Variants in ATG7 observed in about 807,000 individuals in gnomAD.
ATG7 encodes ubiquitin-like modifier-activating enzyme ATG7.
In ATG7, 70 loss-of-function variants were observed where a neutral mutation model predicts 82.4. The observed-to-expected ratio is 0.85, with a 90% confidence interval of 0.70 to 1.04. The LOEUF is 1.04. Among genes scored for constraint, ATG7 ranks in the 50% least tolerant of loss-of-function variants. The pLI, the probability that ATG7 is intolerant of heterozygous loss-of-function variation, is 0.00. For synonymous variants in ATG7, 287 were observed against 313.0 expected, an observed-to-expected ratio of 0.92 and a Z score of 0.88; for missense variants, 792 against 864.3, an observed-to-expected ratio of 0.92 and a Z score of 1.05.
At chr3:11,459,636 A>C (rs1045042340) in intron 20 of ATG7, among the ~76,000 whole-genome samples, 5 of 152,148 alleles carry the variant, frequency 3.3e-5, no homozygotes, top group African/African-American at 1.2e-4. Context: ...TTCTTGTCTG[A>C]TAACAGCCAG....
chr3:11,362,352 C>G (rs2076338004), intron 16 of ATG7, among the ~76,000 whole-genome samples: 1 of 152,204 alleles, frequency 6.6e-6, no homozygotes, highest in African/African-American at 2.4e-5. Context: ...CTGAGGGCCG[C>G]AGGAATAGTA....
At chr3:11,433,288 TTA>T (rs1491478307) in intron 20 of ATG7, among the ~76,000 whole-genome samples, 1 of 108,602 alleles carries the variant, frequency 9.2e-6, no homozygotes, top group African/African-American at 3.8e-5. Context: ...TGTCTCTTAT[TTA>T]AAAAAAAAAA....
intron 20 of ATG7, among the ~76,000 whole-genome samples, chr3:11,481,183 G>A (rs766776473): frequency 6.6e-6 from 1 of 152,224 alleles, no homozygotes; most frequent in East Asian, 1.9e-4. Flanking sequence ...ATAGGAGTTA[G>A]GGTTTAACCG....
chr3:11,307,269 C>T (rs916046150), intron 6 of ATG7, among the ~76,000 whole-genome samples: 1 of 152,198 alleles, frequency 6.6e-6, no homozygotes, highest in African/African-American at 2.4e-5. Context: ...GACATCCAGG[C>T]TCTCACCTGG....
rs138325414 is a variant in ATG7, at chr3:11,278,867, C to T, written c.-365-2127C>T. ...GAGGACTAGAATACAGGAGGATCGACCTAATCCAGAGCTGAGGGAGTCAGG... is the reference window on the plus strand; with the variant it reads ...GAGGACTAGAATACAGGAGGATCGATCTAATCCAGAGCTGAGGGAGTCAGG... On this transcript the variant is annotated intron_variant, in intron 1 of 20. Transcript: ENST00000693202. Among the ~76,000 whole-genome samples the T allele has an allele frequency of 6.1e-3, 933 of 152,232 alleles. 8 individuals are homozygous for T. Among genetic ancestry groups the T allele is most frequent in the Non-Finnish European group, 8.8e-3 (598 of 68,016 alleles).
chr3:11,420,729 G>A (rs183449534), intron 19 of ATG7, among the ~76,000 whole-genome samples: 171 of 150,382 alleles, frequency 1.1e-3, no homozygotes, highest in Admixed American at 2.3e-3. Context: ...AAAAATACAT[G>A]CATACCTTAA....
chr3:11,431,282 T>A (rs545843133), intron 20 of ATG7, among the ~76,000 whole-genome samples: 15 of 152,266 alleles, frequency 9.9e-5, no homozygotes, highest in Non-Finnish European at 2.2e-4. Flanking sequence ...GTGCCTGTAA[T>A]CCCAGCTACT....
chr3:11,526,097 A>G (rs1037270649), intron 20 of ATG7, among the ~76,000 whole-genome samples: 2 of 152,140 alleles, frequency 1.3e-5, no homozygotes, highest in African/African-American at 2.4e-5. Context: ...TTGAATCATA[A>G]TCTTCATCAA....
At chr3:11,280,066 A>G (rs1186300283) in intron 1 of ATG7, among the ~76,000 whole-genome samples, 1 of 146,624 alleles carries the variant, frequency 6.8e-6, no homozygotes, top group African/African-American at 2.5e-5. Context: ...TTTTTTTTTG[A>G]GACAGAGTCT....
chr3:11,319,421 C>G (rs1482096691), intron 9 of ATG7, among the ~76,000 whole-genome samples: 2 of 152,176 alleles, frequency 1.3e-5, no homozygotes, highest in Non-Finnish European at 2.9e-5. Flanking sequence ...CCTGAAAAGT[C>G]ACTGCTGCTC....
At chr3:11,567,581 T>C in the ATG7 span, among the ~76,000 whole-genome samples, 1 of 152,228 alleles carries the variant, frequency 6.6e-6, no homozygotes, top group South Asian at 2.1e-4. Flanking sequence ...GAAACCAGCC[T>C]GTCCATAATG....
chr3:11,435,400 G>C (rs1348782796), intron 20 of ATG7, among the ~76,000 whole-genome samples: 1 of 151,954 alleles, frequency 6.6e-6, no homozygotes, highest in African/African-American at 2.4e-5. Context: ...GCCATAACTG[G>C]GTATGTTCAT....
intron 20 of ATG7, among the ~76,000 whole-genome samples, chr3:11,493,743 G>A (rs2090591186): frequency 6.6e-6 from 1 of 152,136 alleles, no homozygotes; most frequent in Non-Finnish European, 1.5e-5. Flanking sequence ...ATACAGCCTA[G>A]GGGAAACATG....
intron 1 of ATG7, among the ~76,000 whole-genome samples, chr3:11,278,056 C>G (rs1387982600): frequency 1.3e-5 from 2 of 152,154 alleles, no homozygotes; most frequent in African/African-American, 4.8e-5. Context: ...TGTAGGCAGT[C>G]AGACCTTATG....
chr3:11,387,750 C>T (rs1460692268), intron 19 of ATG7, among the ~76,000 whole-genome samples: 1 of 151,862 alleles, frequency 6.6e-6, no homozygotes, highest in African/African-American at 2.4e-5. Flanking sequence ...GCAGGCGGAT[C>T]ACGAGGTCAG....
intron 20 of ATG7, among the ~76,000 whole-genome samples, chr3:11,542,112 C>T (rs924431106): frequency 2.6e-5 from 4 of 152,242 alleles, no homozygotes; most frequent in Admixed American, 2.0e-4. Context: ...GCTAGCCATT[C>T]GCGTCAGCGA....
intron 20 of ATG7, chr3:11,510,297 G>A (rs927598617): frequency 2.2e-6 from 1 of 455,996 alleles, no homozygotes; most frequent in East Asian, 7.0e-5. Context: ...CTCTCAAGCA[G>A]AACAATTCCT....
At chr3:11,391,720 C>T (rs1157017542) in intron 19 of ATG7, among the ~76,000 whole-genome samples, 1 of 152,190 alleles carries the variant, frequency 6.6e-6, no homozygotes, top group Non-Finnish European at 1.5e-5. Flanking sequence ...AGTGCTACAG[C>T]ATTTCTCTGT....
intron 20 of ATG7, among the ~76,000 whole-genome samples, chr3:11,485,832 G>A (rs866795762): frequency 2.4e-4 from 37 of 152,070 alleles, no homozygotes; most frequent in African/African-American, 6.8e-4. Context: ...TCTCAGTTTC[G>A]TCAAAGATCA....
Sources: gnomAD v4.1 joint callset for allele counts (sites outside exome capture counted in the v4.1 genomes callset) on GRCh38, gnomAD v4.1.1 for gene constraint, MANE v1.5 for transcripts, NCBI Gene and HGNC (gene_info 2026-07-23, HGNC 2026-07-21) for gene names.